The following NAALADL2 variants were observed in gnomAD, a reference collection of about 807,000 sequenced individuals.
NAALADL2 encodes the protein N-acetylated alpha-linked acidic dipeptidase like 2.
Under a neutral mutation model 87.2 loss-of-function variants are expected in NAALADL2, and 76 were observed. That is an observed-to-expected ratio of 0.87 (90% CI 0.72 to 1.05). The LOEUF is 1.05. Among genes scored for constraint, NAALADL2 ranks in the 50% least tolerant of loss-of-function variants. NAALADL2 has a pLI of 0.00. For synonymous variants in NAALADL2, 354 were observed against 331.0 expected (o/e 1.07, Z -0.75); for missense variants, 1,089 against 945.8 (o/e 1.15, Z -1.99).
chr3:175,045,121 G>A (rs1754517936), intron 1 of NAALADL2, among the ~76,000 whole-genome samples: 1 of 151,662 alleles, frequency 6.6e-6, no homozygotes, highest in African/African-American at 2.4e-5. Flanking sequence ...TTGGATTATT[G>A]GTATTTTGTG....
rs1490349139 is a variant in NAALADL2, at chr3:175,809,237, C to T, written c.*6034C>T. Reference sequence around the variant, plus strand: ...CAAATTGTCCGCAGGAAGCAAAATGCCAGATGGTTAAGTGTAGCTCACATA... The same window carrying T: ...CAAATTGTCCGCAGGAAGCAAAATGTCAGATGGTTAAGTGTAGCTCACATA... On this transcript the variant is annotated 3_prime_UTR_variant, in exon 14 of 14. Transcript: ENST00000454872. The T allele has an allele frequency of 2.0e-5, 3 of 151,670 alleles. No individual in the cohort carries two copies. Among genetic ancestry groups the T allele is most frequent in the Non-Finnish European group, 2.9e-5 (2 of 67,874 alleles). The allele number at this position is 151,670 out of a possible 1,614,324, so 9.4% of individuals were successfully genotyped here. A position where few individuals can be genotyped will look rare whatever the true frequency, so the allele number is the denominator to read the frequency against.
chr3:175,546,047 A>G (rs1310438886), intron 9 of NAALADL2, among the ~76,000 whole-genome samples: 2 of 152,158 alleles, frequency 1.3e-5, no homozygotes, highest in Non-Finnish European at 2.9e-5. Context: ...CCTTAAAGAA[A>G]TATCAGTGAA....
chr3:175,023,167 G>A (rs922502629), intron 1 of NAALADL2, among the ~76,000 whole-genome samples: 7 of 152,080 alleles, frequency 4.6e-5, no homozygotes, highest in African/African-American at 1.7e-4. Context: ...CTAGGGAGAT[G>A]TAGAATACAA....
At chr3:175,782,810 G>A (rs1411924510) in intron 13 of NAALADL2, among the ~76,000 whole-genome samples, 1 of 147,044 alleles carries the variant, frequency 6.8e-6, no homozygotes, top group African/African-American at 2.7e-5. Flanking sequence ...TAATGCCTAG[G>A]TTTTCTTCTA....
intron 11 of NAALADL2, among the ~76,000 whole-genome samples, chr3:175,692,140 CTTCTGGTTACAT>C (rs1737130943): frequency 6.6e-6 from 1 of 151,784 alleles, no homozygotes; most frequent in Admixed American, 6.6e-5. Flanking sequence ...TTTGTTTTTC[CTTCTGGTTACAT>C]TTCTATGATT....
intron 5 of NAALADL2, among the ~76,000 whole-genome samples, chr3:175,445,271 T>C (rs1447606763): frequency 6.6e-6 from 1 of 152,228 alleles, no homozygotes; most frequent in Non-Finnish European, 1.5e-5. Flanking sequence ...CTTGTGTTAT[T>C]ATAACTGTTT....
chr3:174,714,194 T>G (rs1346218186), intron 2 of NAALADL2, among the ~76,000 whole-genome samples: 6 of 152,122 alleles, frequency 3.9e-5, no homozygotes, highest in Non-Finnish European at 5.9e-5. Context: ...TGCTGTTTTG[T>G]TTACTGTAGC....
chr3:174,844,462 A>G (rs1724365871), intron 3 of NAALADL2, among the ~76,000 whole-genome samples: 1 of 152,024 alleles, frequency 6.6e-6, no homozygotes, highest in Non-Finnish European at 1.5e-5. Context: ...TCTGTTTAGC[A>G]TTGCTTTGGC....
At position 174,792,321 on chromosome 3, in the gene NAALADL2, A is replaced by T. The variant is rs559351209; in HGVS notation, c.-9+54575A>T. Among the ~76,000 whole-genome samples, 11 of 152,080 alleles carry T rather than the reference A, an allele frequency of 7.2e-5. No homozygotes were observed. In the East Asian group the frequency reaches 1.9e-3, roughly 27 times the overall value. On this transcript the variant is annotated intron_variant, in intron 3 of 3. Coordinates refer to the NAALADL2 transcript ENST00000434257. ...GAGGGAGGCAGGCAGGGAAGGAAGG[A>T]AGGAAGGAAATTTTTGTGGTAGGCT...
At chr3:174,666,225 A>G (rs1326292387) in intron 2 of NAALADL2, among the ~76,000 whole-genome samples, 2 of 152,214 alleles carry the variant, frequency 1.3e-5, no homozygotes, top group East Asian at 1.9e-4. Context: ...TCAAAAATAG[A>G]TTTTGATAAT....
chr3:175,361,927 C>G (rs1365660740), intron 5 of NAALADL2, among the ~76,000 whole-genome samples: 2 of 147,918 alleles, frequency 1.4e-5, no homozygotes, highest in Admixed American at 6.9e-5. Flanking sequence ...GTGTTTTAGT[C>G]ATGAAGTCCT....
intron 4 of NAALADL2, among the ~76,000 whole-genome samples, chr3:175,310,645 A>T (rs1239037431): frequency 1.3e-5 from 2 of 152,058 alleles, no homozygotes. Context: ...AGACTAAATG[A>T]TGAAGAGCTC....
chr3:174,641,531 CA>C (rs1027638977), intron 2 of NAALADL2, among the ~76,000 whole-genome samples: 2 of 152,140 alleles, frequency 1.3e-5, no homozygotes, highest in African/African-American at 4.8e-5. Flanking sequence ...ACGATGCCCT[CA>C]AGGCTGCAAG....
intron 11 of NAALADL2, among the ~76,000 whole-genome samples, chr3:175,656,781 C>T (rs1380673904): frequency 6.6e-6 from 1 of 151,642 alleles, no homozygotes; most frequent in Non-Finnish European, 1.5e-5. Flanking sequence ...TAACCAAATT[C>T]ATTAACTATC....
intron 10 of NAALADL2, among the ~76,000 whole-genome samples, chr3:175,591,784 GTA>G (rs57196350): frequency 0.014 from 1,956 of 135,774 alleles, 25 homozygotes; most frequent in African/African-American, 0.037. Flanking sequence ...GTGTGTGTGT[GTA>G]TATATATATA....
intron 1 of NAALADL2, among the ~76,000 whole-genome samples, chr3:175,050,069 G>T (rs528625569): frequency 6.6e-6 from 1 of 152,090 alleles, no homozygotes; most frequent in South Asian, 2.1e-4. Context: ...TAATTGGTGT[G>T]TATAAATGGT....
chr3:175,617,507 C>T (rs1277739917), intron 10 of NAALADL2, among the ~76,000 whole-genome samples: 1 of 152,192 alleles, frequency 6.6e-6, no homozygotes, highest in Non-Finnish European at 1.5e-5. Flanking sequence ...TGGCTTGACA[C>T]ATTTGTAGCA....
chr3:175,259,391 T>C (rs909080826), intron 4 of NAALADL2, among the ~76,000 whole-genome samples: 4 of 152,202 alleles, frequency 2.6e-5, no homozygotes, highest in Admixed American at 1.3e-4. Context: ...AAGACTCTGC[T>C]AACTCAAATC....
At chr3:174,683,240 A>G (rs1727719068) in intron 2 of NAALADL2, among the ~76,000 whole-genome samples, 1 of 152,174 alleles carries the variant, frequency 6.6e-6, no homozygotes, top group African/African-American at 2.4e-5. Context: ...ATAAAAAACA[A>G]TGAAGTGTGC....
Sources: allele counts gnomAD v4.1 joint callset (sites outside exome capture counted in the v4.1 genomes callset), GRCh38; gene constraint gnomAD v4.1.1; transcripts MANE v1.5; gene names NCBI Gene and HGNC (gene_info 2026-07-23, HGNC 2026-07-21).